Variants in DNAH11 observed in about 807,000 individuals in gnomAD.
DNAH11 encodes the protein dynein axonemal heavy chain 11, also known as axonemal beta dynein heavy chain 11.
Under a neutral mutation model 526.0 loss-of-function variants are expected in DNAH11, and 442 were observed. The ratio of observed to expected loss-of-function variants is 0.84; its 90% CI spans 0.78 to 0.91. The LOEUF is 0.91. Among genes scored for constraint, DNAH11 ranks in the 40% least tolerant of loss-of-function variants. The pLI, the probability that DNAH11 is intolerant of heterozygous loss-of-function variation, is 0.00. For missense variants in DNAH11, 6,989 were observed against 5,448.7 expected (o/e 1.28, Z -8.90); for synonymous variants, 2,461 against 1,935.9 (o/e 1.27, Z -7.12).
intron 6 of DNAH11, among the ~76,000 whole-genome samples, chr7:21,564,896 GT>G (rs1161290156): frequency 2.8e-5 from 4 of 144,628 alleles, no homozygotes; most frequent in Non-Finnish European, 6.0e-5. Context: ...CCTGCAAAAT[GT>G]TAAAAAAAAA....
chr7:21,690,947 CTGTTAAGTGGT>C, intron 35 of DNAH11, 66 bp downstream of exon 35: 1 of 1,220,430 alleles, frequency 8.2e-7, no homozygotes, highest in East Asian at 2.4e-5. Context: ...TTGGTTTGCA[CTGTTAAGTGGT>C]TTGCTTTTAC....
chr7:21,692,551 A>C (rs538247094), intron 35 of DNAH11, among the ~76,000 whole-genome samples: 4 of 152,300 alleles, frequency 2.6e-5, no homozygotes, highest in African/African-American at 9.6e-5. Context: ...GACCTACTGC[A>C]ATTTGTTGAT....
chr7:21,686,960 A>C, intron 32 of DNAH11, 139 bp from the exon 33 acceptor site: 1 of 694,540 alleles, frequency 1.4e-6, no homozygotes, highest in Non-Finnish European at 2.1e-6. Flanking sequence ...ATTGCCATGA[A>C]CAAATCAGAA....
chr7:21,655,940 G>T lies in DNAH11; in HGVS notation c.5053G>T (p.Glu1685Ter). 1.9e-6 allele frequency: 3 copies of T among 1,611,740 alleles called. No homozygotes were observed. Among genetic ancestry groups the T allele is most frequent in the Non-Finnish European group, 2.5e-6 (3 of 1,178,768 alleles). ...RAVGMYSKEKEYVPFQAECEC... is the reference protein window; with the variant it reads ...RAVGMYSKEK ...AGTTGGAATGTACAGCAAAGAAAAG[G>T]AGTATGTCCCATTCCAAGCCGAGTG... Residue 1685 changes from glutamate to a stop codon, truncating the protein, a stop_gained, in exon 29 of 82, where the codon GAG becomes TAG. Coordinates refer to ENST00000409508, the MANE Select transcript of DNAH11 (RefSeq NM_001277115.2). LOFTEE classifies it high-confidence loss of function.
intron 76 of DNAH11, among the ~76,000 whole-genome samples, chr7:21,884,618 TCTCTGTGTGTG>T (rs1420669076): frequency 5.9e-5 from 9 of 152,212 alleles, no homozygotes; most frequent in African/African-American, 1.9e-4. Context: ...TTCCAGGTGA[TCTCTGTGTGTG>T]CTAGAGAGTG....
intron 58 of DNAH11, among the ~76,000 whole-genome samples, chr7:21,785,778 G>T (rs1444348910): frequency 2.6e-5 from 4 of 152,096 alleles, no homozygotes; most frequent in Non-Finnish European, 5.9e-5. Context: ...TTTTGTTCTT[G>T]CTTTCACTCT....
chr7:21,751,828 A>T (rs546720841), intron 54 of DNAH11, among the ~76,000 whole-genome samples: 3 of 152,346 alleles, frequency 2.0e-5, no homozygotes, highest in African/African-American at 7.2e-5. Context: ...CAAAAATAGG[A>T]CTAAGAATAC....
chr7:21,707,640 A>G, intron 39 of DNAH11, 59 bp from the exon 40 acceptor site: 1 of 1,564,996 alleles, frequency 6.4e-7, no homozygotes. Flanking sequence ...GAAATCTTTT[A>G]CTTTCCATTT....
At chr7:21,735,931 T>C in intron 46 of DNAH11, 87 bp downstream of exon 46, 1 of 1,246,498 alleles carries the variant, frequency 8.0e-7, no homozygotes, top group East Asian at 2.4e-5. Flanking sequence ...ATAATGCCTT[T>C]CCCTAGAATT....
intron 64 of DNAH11, among the ~76,000 whole-genome samples, chr7:21,817,241 TGATA>T (rs1347917626): frequency 2.0e-5 from 3 of 152,156 alleles, no homozygotes; most frequent in African/African-American, 7.2e-5. Context: ...TAATACTGTC[TGATA>T]GATAGAAAGC....
intron 42 of DNAH11, among the ~76,000 whole-genome samples, chr7:21,713,614 C>T (rs1442512806): frequency 6.6e-6 from 1 of 152,140 alleles, no homozygotes; most frequent in Non-Finnish European, 1.5e-5. Context: ...CTTGCCCACA[C>T]TTCTGTGACT....
chr7:21,771,434 C>A (rs1039135133), intron 55 of DNAH11, among the ~76,000 whole-genome samples: 6 of 152,170 alleles, frequency 3.9e-5, no homozygotes, highest in African/African-American at 1.4e-4. Context: ...AGAGACTACT[C>A]CTGCCCGAGA....
intron 35 of DNAH11, among the ~76,000 whole-genome samples, chr7:21,695,880 T>C (rs1205419213): frequency 6.6e-6 from 1 of 151,680 alleles, no homozygotes; most frequent in Non-Finnish European, 1.5e-5. Context: ...ACAAGGAACT[T>C]AAATTTAGAA....
In DNAH11 at chr7:21,570,152, C is replaced by T. The variant is rs1280498334; in HGVS notation, c.1278C>T (p.Ile426=). 2 of 1,613,336 alleles carry T rather than the reference C, an allele frequency of 1.2e-6. No individual in the cohort carries two copies. Among genetic ancestry groups the T allele is most frequent in the South Asian group, 1.1e-5 (1 of 91,046 alleles). Residue 426 remains isoleucine, a synonymous_variant, in exon 7 of 82, where the codon ATC becomes ATT. Transcript: ENST00000409508. Reference sequence around the variant, plus strand: ...AAAAGGTGCAGGTGGCTGTTAACATCTTAAAGACTTTCAAAAACTCCTTTT... The same window carrying T: ...AAAAGGTGCAGGTGGCTGTTAACATTTTAAAGACTTTCAAAAACTCCTTTT... The part of the protein sequence containing the change: ...SLEKVQVAVN[I]LKTFKNSFFN...
chr7:21,872,135 A>AAAAAAAAAAAAAC (rs1783523143), intron 73 of DNAH11, among the ~76,000 whole-genome samples: 1 of 137,242 alleles, frequency 7.3e-6, no homozygotes, highest in Non-Finnish European at 1.6e-5. Flanking sequence ...AAAAAAAAAA[A>AAAAAAAAAAAAAC]AAAAAAAAAA....
chr7:21,885,614 A>C (rs572549156), intron 76 of DNAH11, among the ~76,000 whole-genome samples: 1 of 152,294 alleles, frequency 6.6e-6, no homozygotes, highest in Non-Finnish European at 1.5e-5. Flanking sequence ...AGGATTTTGT[A>C]TGTTCCCACC....
intron 62 of DNAH11, among the ~76,000 whole-genome samples, chr7:21,803,067 A>G (rs1789067147): frequency 6.6e-6 from 1 of 152,048 alleles, no homozygotes; most frequent in Non-Finnish European, 1.5e-5. Context: ...CTGTAACTAC[A>G]CTATTAGAAA....
At chr7:21,835,109 A>G (rs1781942375) in intron 65 of DNAH11, among the ~76,000 whole-genome samples, 2 of 152,134 alleles carry the variant, frequency 1.3e-5, no homozygotes, top group African/African-American at 4.8e-5. Flanking sequence ...AATGAGGTTG[A>G]ATCAATAGTC....
At chr7:21,688,958 T>A (rs1783501587) in intron 34 of DNAH11, among the ~76,000 whole-genome samples, 1 of 152,224 alleles carries the variant, frequency 6.6e-6, no homozygotes, top group Non-Finnish European at 1.5e-5. Context: ...AGCTAGCTTG[T>A]CCATAGGAAC....
Sources: gnomAD v4.1 joint callset for allele counts (sites outside exome capture counted in the v4.1 genomes callset) on GRCh38, gnomAD v4.1.1 for gene constraint, MANE v1.5 for transcripts, NCBI Gene and HGNC (gene_info 2026-07-23, HGNC 2026-07-21) for gene names.